Variants in EPB41L1 observed in about 807,000 individuals in gnomAD.
The protein encoded by EPB41L1 is band 4.1-like protein 1.
EPB41L1 carries 29 observed loss-of-function variants against 97.8 expected under a neutral mutation model. The ratio of observed to expected loss-of-function variants is 0.30; its 90% CI spans 0.22 to 0.40. The LOEUF (loss-of-function observed/expected upper bound fraction) is 0.40, where lower values mean the gene tolerates loss of function less well. Among genes scored for constraint, EPB41L1 ranks in the 10% least tolerant of loss-of-function variants. The probability of loss-of-function intolerance (pLI) is 1.00; values close to 1 mark genes in which losing one functional copy is unlikely to be tolerated. For missense variants in EPB41L1, 812 were observed against 1,162.3 expected (o/e 0.70, Z 4.38); for synonymous variants, 383 against 459.2 (o/e 0.83, Z 2.12).
chr20:36,182,128 G>T, intron 5 of EPB41L1, 144 bp from the exon 6 acceptor site: 1 of 748,286 alleles, frequency 1.3e-6, no homozygotes. Context: ...TCTGTCAAAT[G>T]GGAATAATGT....
At chr20:36,154,646 G>A (rs900774249), upstream of EPB41L1, 1 of 967,978 alleles carries the variant, frequency 1.0e-6, no homozygotes, top group Admixed American at 6.4e-5. The surrounding 1 kb of genome is among the most constrained non-coding windows in gnomAD (Gnocchi z 5.5). Flanking sequence ...CGGGGGCGGG[G>A]GCTGGCCGCG....
chr20:36,205,875 AAG>A (rs1200768523), intron 14 of EPB41L1: 3 of 1,289,556 alleles, frequency 2.3e-6, no homozygotes, highest in South Asian at 2.5e-5. Context: ...TATTTATAGA[AAG>A]AGAGTACACT....
At chr20:36,106,996 G>C (rs1301529898) in intron 1 of EPB41L1, among the ~76,000 whole-genome samples, 1 of 152,094 alleles carries the variant, frequency 6.6e-6, no homozygotes, top group African/African-American at 2.4e-5. Flanking sequence ...TAGAGATGGG[G>C]TTTCGCCATG....
chr20:36,130,994 A>G (rs1291293639), intron 2 of EPB41L1, among the ~76,000 whole-genome samples: 7 of 127,044 alleles, frequency 5.5e-5, no homozygotes, highest in Non-Finnish European at 1.2e-4. Flanking sequence ...TTTTTTTTTG[A>G]GACAGAATTT....
intron 21 of EPB41L1, among the ~76,000 whole-genome samples, chr20:36,223,108 G>A (rs548439378): frequency 1.3e-5 from 2 of 152,356 alleles, no homozygotes; most frequent in South Asian, 4.1e-4. Flanking sequence ...GTGTTAGCCA[G>A]GATAGTCTCG....
rs1281442887 is a variant in EPB41L1 at position 36,207,468 on chromosome 20, G to C, written c.1669-2020G>C. The C allele has an allele frequency of 2.3e-6, 3 of 1,289,824 alleles. No individual in the cohort carries two copies. The East Asian group carries it at 1.7e-4, about 72-fold the overall frequency. The allele number at this position is 1,289,824 out of a possible 1,614,324, so 79.9% of individuals were successfully genotyped here. The stretch of plus-strand genomic sequence containing the variant: ...TGGCCAACAAAATTCGGATATTTGA[G>C]ACCCACGGAGCTGAAACTCGCCGAA... On this transcript the variant is annotated intron_variant, in intron 14 of 21. Transcript: ENST00000338074. This position sits in a 1 kb window ranked among gnomAD's most constrained non-coding sequence, Gnocchi z 4.9.
At chr20:36,221,021 C>A (rs757887433) in intron 19 of EPB41L1, among the ~76,000 whole-genome samples, 13 of 152,234 alleles carry the variant, frequency 8.5e-5, no homozygotes, top group Non-Finnish European at 1.6e-4. Context: ...AAAAGCATTA[C>A]TGAGCAATGT....
chr20:36,197,371 C>A (rs2062256628), intron 13 of EPB41L1, among the ~76,000 whole-genome samples: 1 of 152,220 alleles, frequency 6.6e-6, no homozygotes, highest in South Asian at 2.1e-4. Context: ...AAAGTGGACA[C>A]TGGGATCCAG....
chr20:36,123,141 T>C (rs753710421), intron 2 of EPB41L1, among the ~76,000 whole-genome samples: 3 of 151,892 alleles, frequency 2.0e-5, no homozygotes, highest in Non-Finnish European at 2.9e-5. Context: ...CATAATTGAC[T>C]GAGAACCAGG....
rs1297923976 is a variant in EPB41L1, at chr20:36,190,547, G to T, written c.1125-75G>T. 18 of 1,594,692 alleles carry T rather than the reference G, an allele frequency of 1.1e-5. No individual in the cohort carries two copies. The highest frequency in any genetic ancestry group is 1.5e-5 in the Non-Finnish European group (17 of 1,166,154). On this transcript the variant is annotated intron_variant, in intron 10 of 21. Transcript: ENST00000338074. This position sits in a 1 kb window ranked among gnomAD's most constrained non-coding sequence, Gnocchi z 5.8. ...AGTTGGTGGAGTAGTGGGATGAAAG[G>T]CCAGCTGTGGTCTAACCTTGGGCCT... is the stretch of plus-strand genomic sequence containing the variant.
intron 21 of EPB41L1, among the ~76,000 whole-genome samples, chr20:36,228,076 A>G (rs2064282694): frequency 1.3e-5 from 2 of 152,228 alleles, no homozygotes; most frequent in Non-Finnish European, 2.9e-5. Flanking sequence ...CTATGTGTCA[A>G]ATGAGCCAAG....
intron 2 of EPB41L1, among the ~76,000 whole-genome samples, chr20:36,140,862 G>A (rs1040006993): frequency 3.7e-4 from 56 of 152,282 alleles, no homozygotes; most frequent in African/African-American, 1.3e-3. Context: ...AATGAGACAG[G>A]CCCAAGATGG....
intron 5 of EPB41L1, among the ~76,000 whole-genome samples, chr20:36,181,673 C>A (rs991769929): frequency 6.6e-6 from 1 of 152,188 alleles, no homozygotes; most frequent in African/African-American, 2.4e-5. Context: ...TACAACAGAT[C>A]AAATCATTTT....
At chr20:36,146,952 G>C (rs1001415635) in intron 2 of EPB41L1, among the ~76,000 whole-genome samples, 1 of 151,570 alleles carries the variant, frequency 6.6e-6, no homozygotes, top group African/African-American at 2.4e-5. Context: ...TTTGAGACCA[G>C]CCTAGGCAAC....
chr20:36,212,401 C>A lies in EPB41L1; in HGVS notation c.2184+25C>A. The A allele has an allele frequency of 6.3e-7, 1 of 1,599,566 alleles. No individual in the cohort carries two copies. Among genetic ancestry groups the A allele is most frequent in the South Asian group, 1.1e-5 (1 of 90,740 alleles). Reference sequence around the variant, plus strand: ...GGTAACTTGTGCCTTCCAATGTACCCTAAGCATGGGTATTGGGCATTTGGT... The same window carrying A: ...GGTAACTTGTGCCTTCCAATGTACCATAAGCATGGGTATTGGGCATTTGGT... On this transcript the variant is annotated intron_variant, in intron 16 of 21. Transcript: ENST00000338074. This position sits in a 1 kb window ranked among gnomAD's most constrained non-coding sequence, Gnocchi z 4.8.
At chr20:36,117,091 A>G (rs1042694167) in intron 2 of EPB41L1, among the ~76,000 whole-genome samples, 5 of 152,142 alleles carry the variant, frequency 3.3e-5, no homozygotes, top group African/African-American at 1.2e-4. Context: ...GAGACTCAAC[A>G]TGGAAAACTG....
At chr20:36,200,789 T>C in intron 14 of EPB41L1, 1 of 429,996 alleles carries the variant, frequency 2.3e-6, no homozygotes, top group Non-Finnish European at 4.7e-6. Flanking sequence ...CTCCTACTTT[T>C]TCTCTTTCCC....
intron 1 of EPB41L1, 137 bp from the exon 2 acceptor site, chr20:36,173,627 C>T: frequency 1.3e-6 from 1 of 790,944 alleles, no homozygotes; most frequent in Non-Finnish European, 2.2e-6. Flanking sequence ...TCTGTCTCTC[C>T]CTTCCTCCTC....
At chr20:36,186,192 G>A (rs2061676757) in intron 7 of EPB41L1, among the ~76,000 whole-genome samples, 1 of 152,174 alleles carries the variant, frequency 6.6e-6, no homozygotes, top group Admixed American at 6.5e-5. Context: ...TTCTGTACAG[G>A]TTCCCCTGGA....
Sources: allele counts gnomAD v4.1 joint callset (sites outside exome capture counted in the v4.1 genomes callset), GRCh38; gene constraint gnomAD v4.1.1; non-coding constraint Gnocchi (gnomAD v3.1); transcripts MANE v1.5; gene names NCBI Gene and HGNC (gene_info 2026-07-23, HGNC 2026-07-21).